The following AGAP1 variants were observed in gnomAD, a reference collection of about 807,000 sequenced individuals.
The protein encoded by AGAP1 is ArfGAP with GTPase domain, ankyrin repeat and PH domain 1.
Under a neutral mutation model 105.3 loss-of-function variants are expected in AGAP1, and 29 were observed. That is an observed-to-expected ratio of 0.28 (90% confidence interval 0.21 to 0.38). The LOEUF (loss-of-function observed/expected upper bound fraction) is 0.38, where lower values mean the gene tolerates loss of function less well. Ranked by LOEUF, AGAP1 falls within the 10% of genes least tolerant of loss-of-function variation. The pLI, the probability that AGAP1 is intolerant of heterozygous loss-of-function variation, is 1.00. For missense variants in AGAP1, 998 were observed against 1,165.1 expected (o/e 0.86, Z 2.09); for synonymous variants, 509 against 485.9 (o/e 1.05, Z -0.63).
intron 9 of AGAP1, among the ~76,000 whole-genome samples, chr2:235,836,287 G>A (rs756487447): frequency 1.3e-5 from 2 of 152,164 alleles, no homozygotes; most frequent in South Asian, 2.1e-4. Flanking sequence ...AAGGTACAGC[G>A]ATCAAAAGCA....
At chr2:235,825,015 T>C (rs1200600543) in intron 9 of AGAP1, among the ~76,000 whole-genome samples, 4 of 152,316 alleles carry the variant, frequency 2.6e-5, no homozygotes, top group African/African-American at 9.6e-5. Flanking sequence ...TTATTTGCAA[T>C]TCAGCAAGAA....
intron 16 of AGAP1, among the ~76,000 whole-genome samples, chr2:236,100,006 C>T (rs1044009620): frequency 3.3e-5 from 5 of 152,166 alleles, no homozygotes; most frequent in African/African-American, 9.7e-5. Context: ...GGCCACTGCA[C>T]TCCAGCCTGA....
intron 1 of AGAP1, among the ~76,000 whole-genome samples, chr2:235,530,721 C>T (rs1169910190): frequency 6.6e-6 from 1 of 152,062 alleles, no homozygotes; most frequent in East Asian, 1.9e-4. Context: ...ACGTTGGACC[C>T]ATCTGGATAA....
chr2:236,028,863 G>A (rs2057134872), intron 13 of AGAP1, among the ~76,000 whole-genome samples: 1 of 152,192 alleles, frequency 6.6e-6, no homozygotes, highest in Admixed American at 6.5e-5. Context: ...GATTATCTCT[G>A]TCCAAGGTAA....
chr2:235,600,089 C>A lies in AGAP1; in HGVS notation c.163+105240C>A, dbSNP rs1945678992. On this transcript the variant is annotated intron_variant, in intron 1 of 17. Coordinates refer to ENST00000304032, the MANE Select transcript of AGAP1 (RefSeq NM_001037131.3). The surrounding 1 kb of genome is among the most constrained non-coding windows in gnomAD (Gnocchi z 4.8). ...CTCCAGGGAGCCCCTCTCTCCATCC[C>A]AGCCTTTCTTCCTCTCTCGTAACTG... Among the ~76,000 whole-genome samples the A allele has an allele frequency of 6.6e-6, 1 of 152,194 alleles. No homozygotes were observed. The highest frequency in any genetic ancestry group is 2.1e-4 in the South Asian group (1 of 4,830).
rs1000348258 is a variant in AGAP1 at position 235,714,752 on chromosome 2, A to G, written c.223-2805A>G. Reference sequence around the variant, plus strand: ...CTGAGAACCTTTTTTCCACACTGTCATGCCAAATTTGTTCTCTTATATGTT... The same window carrying G: ...CTGAGAACCTTTTTTCCACACTGTCGTGCCAAATTTGTTCTCTTATATGTT... On this transcript the variant is annotated intron_variant, in intron 2 of 17. Coordinates refer to ENST00000304032, the MANE Select transcript of AGAP1 (RefSeq NM_001037131.3). This position sits in a 1 kb window ranked among gnomAD's most constrained non-coding sequence, Gnocchi z 4.1. 9.9e-5 allele frequency among the ~76,000 whole-genome samples: 15 copies of G among 152,076 alleles called. No individual in the cohort carries two copies. Among genetic ancestry groups the G allele is most frequent in the African/African-American group, 3.1e-4 (13 of 41,424 alleles).
At position 235,639,383 on chromosome 2, in the gene AGAP1, A is replaced by G. The variant is rs1947116299; in HGVS notation, c.164-69796A>G. ...CCCAGGACCACGGTGTGGCCTGAGAAGTCGGCCTGCGATAGAACCCGGGGA... is the reference window on the plus strand; with the variant it reads ...CCCAGGACCACGGTGTGGCCTGAGAGGTCGGCCTGCGATAGAACCCGGGGA... On this transcript the variant is annotated intron_variant, in intron 1 of 17. Coordinates refer to ENST00000304032, the MANE Select transcript of AGAP1 (RefSeq NM_001037131.3). The surrounding 1 kb of genome is among the most constrained non-coding windows in gnomAD (Gnocchi z 5.3). Among the ~76,000 whole-genome samples the G allele has an allele frequency of 6.6e-6, 1 of 152,116 alleles. No individual in the cohort carries two copies. The highest frequency in any genetic ancestry group is 1.5e-5 in the Non-Finnish European group (1 of 68,014).
chr2:235,766,247 T>A (rs1954942223), intron 6 of AGAP1, among the ~76,000 whole-genome samples: 1 of 152,212 alleles, frequency 6.6e-6, no homozygotes, highest in African/African-American at 2.4e-5. Context: ...AGCTAACTAA[T>A]AAAAATTCAC....
intron 1 of AGAP1, among the ~76,000 whole-genome samples, chr2:235,607,797 A>C (rs1288874702): frequency 6.6e-6 from 1 of 152,188 alleles, no homozygotes; most frequent in African/African-American, 2.4e-5. Context: ...CGCTGGTGGG[A>C]TGCTTGGATT....
At chr2:235,671,198 T>G in intron 1 of AGAP1, 7 of 1,002,274 alleles carry the variant, frequency 7.0e-6, no homozygotes, top group Non-Finnish European at 9.0e-6. Context: ...TACTGCGGTT[T>G]TCCCCAGCAG....
chr2:235,560,223 G>T (rs1944102425), intron 1 of AGAP1, among the ~76,000 whole-genome samples: 1 of 152,060 alleles, frequency 6.6e-6, no homozygotes, highest in South Asian at 2.1e-4. Context: ...TAATATTGTT[G>T]TACAAGTTGG....
intron 9 of AGAP1, among the ~76,000 whole-genome samples, chr2:235,876,653 G>A (rs1163948237): frequency 2.0e-5 from 3 of 152,114 alleles, no homozygotes; most frequent in East Asian, 1.9e-4. Context: ...ACTGGGCCAC[G>A]ACAACTAAAG....
At chr2:235,844,416 G>C (rs1961228986) in intron 9 of AGAP1, among the ~76,000 whole-genome samples, 1 of 152,156 alleles carries the variant, frequency 6.6e-6, no homozygotes. Context: ...GGTGTTGAAG[G>C]AAAGCCAGGA....
chr2:235,543,539 T>C (rs1943523159), intron 1 of AGAP1, among the ~76,000 whole-genome samples: 1 of 152,130 alleles, frequency 6.6e-6, no homozygotes, highest in Non-Finnish European at 1.5e-5. Context: ...CCGTGCTGGA[T>C]TGAGCTCTGC....
chr2:236,109,251 G>A lies in AGAP1; in HGVS notation c.2115-10941G>A, dbSNP rs971671187. On this transcript the variant is annotated intron_variant, in intron 16 of 17. Transcript: ENST00000304032. This position sits in a 1 kb window ranked among gnomAD's most constrained non-coding sequence, Gnocchi z 5.4. Reference sequence around the variant, plus strand: ...ACCAGCAGTGACCAAGCTCACCTCTGGGACTCAGCTGCCTGGTCAGCCTGA... The same window carrying A: ...ACCAGCAGTGACCAAGCTCACCTCTAGGACTCAGCTGCCTGGTCAGCCTGA... 6.6e-6 allele frequency among the ~76,000 whole-genome samples: 1 copy of A among 152,142 alleles called. No homozygotes were observed. The highest frequency in any genetic ancestry group is 2.4e-5 in the African/African-American group (1 of 41,434).
intron 1 of AGAP1, among the ~76,000 whole-genome samples, chr2:235,603,135 C>A (rs1559281779): frequency 6.6e-6 from 1 of 152,092 alleles, no homozygotes; most frequent in Non-Finnish European, 1.5e-5. Flanking sequence ...AGGGTGGTTT[C>A]CCCCATACTG....
intron 1 of AGAP1, chr2:235,671,140 C>T (rs1041934322): frequency 1.3e-4 from 158 of 1,225,072 alleles, no homozygotes; most frequent in Middle Eastern, 6.3e-4. Flanking sequence ...GGGACCCGCC[C>T]TCCCGGGTCG....
intron 1 of AGAP1, among the ~76,000 whole-genome samples, chr2:235,518,526 C>G (rs1258890716): frequency 6.6e-6 from 1 of 152,118 alleles, no homozygotes; most frequent in Admixed American, 6.5e-5. Context: ...GACAAAGAGC[C>G]AGGGCGGAAG....
At chr2:235,707,472 A>ACCCCCCCCCCCCCCCCCCCC (rs1250772330) in intron 1 of AGAP1, among the ~76,000 whole-genome samples, 4 of 22,408 alleles carry the variant, frequency 1.8e-4, no homozygotes, top group East Asian at 1.1e-3. Context: ...CCTCCCCATG[A>ACCCCCCCCCCCCCCCCCCCC]CCCCCCCCCC....
Sources: gnomAD v4.1 joint callset for allele counts (sites outside exome capture counted in the v4.1 genomes callset) on GRCh38, gnomAD v4.1.1 for gene constraint, Gnocchi (gnomAD v3.1) non-coding constraint, MANE v1.5 for transcripts, NCBI Gene and HGNC (gene_info 2026-07-23, HGNC 2026-07-21) for gene names.